The following PCDHA13 variants were observed in gnomAD, a reference collection of about 807,000 sequenced individuals.
The protein encoded by PCDHA13 is protocadherin alpha-13.
A neutral mutation model predicts 64.8 loss-of-function variants in PCDHA13; 54 were observed. That is an observed-to-expected ratio of 0.83 (90% confidence interval 0.67 to 1.04). PCDHA13 has a LOEUF of 1.04. Ranked by LOEUF, PCDHA13 falls within the 50% of genes least tolerant of loss-of-function variation. The pLI, the probability that PCDHA13 is intolerant of heterozygous loss-of-function variation, is 0.00. For missense variants in PCDHA13, 1,248 were observed against 1,254.3 expected (o/e 0.99, Z 0.08); for synonymous variants, 587 against 564.4 (o/e 1.04, Z -0.57).
intron 1 of PCDHA13, chr5:140,969,364 T>C: frequency 6.2e-7 from 1 of 1,610,368 alleles, no homozygotes; most frequent in Non-Finnish European, 8.5e-7. Context: ...TTCTACAAAC[T>C]CATGCATTTG....
intron 1 of PCDHA13, chr5:140,927,125 G>C (rs782734791): frequency 6.2e-7 from 1 of 1,614,076 alleles, no homozygotes; most frequent in Admixed American, 1.7e-5. Flanking sequence ...TTGGTGGTCA[G>C]AGAGCCGGCG....
At chr5:140,898,112 G>A (rs1308883558) in intron 1 of PCDHA13, among the ~76,000 whole-genome samples, 1 of 152,046 alleles carries the variant, frequency 6.6e-6, no homozygotes, top group African/African-American at 2.4e-5. Flanking sequence ...TGAGTAGGTT[G>A]CGAAAATTTT....
At chr5:140,937,770 G>C (rs1353635012) in intron 1 of PCDHA13, among the ~76,000 whole-genome samples, 3 of 151,876 alleles carry the variant, frequency 2.0e-5, no homozygotes, top group Non-Finnish European at 4.4e-5. Flanking sequence ...AAATTAGTCG[G>C]GCGTGGTGGC....
rs1562808706 is a variant in PCDHA13, at chr5:140,884,622, GAAC to G, written c.2356_2358del (p.Thr786del). The G allele has an allele frequency of 4.3e-6, 7 of 1,613,830 alleles. No individual in the cohort carries two copies. Among genetic ancestry groups the G allele is most frequent in the Non-Finnish European group, 5.9e-6 (7 of 1,179,900 alleles). On this transcript the variant is annotated inframe_deletion, in exon 1 of 4. Coordinates refer to ENST00000289272, the MANE Select transcript of PCDHA13 (RefSeq NM_018904.3). ...CCTCCTTGTCTGGGTTCTGCAGAGGGAACAGGCCAGAGGGAGGAGGACTCAGAA... is the reference window on the plus strand; with the variant it reads ...CCTCCTTGTCTGGGTTCTGCAGAGGGAGGCCAGAGGGAGGAGGACTCAGAA...
intron 1 of PCDHA13, among the ~76,000 whole-genome samples, chr5:140,901,967 T>C (rs2069024315): frequency 6.6e-6 from 1 of 152,134 alleles, no homozygotes; most frequent in East Asian, 1.9e-4. Flanking sequence ...CTATCGTAAA[T>C]GGGATTACTT....
chr5:140,998,495 C>T (rs782386986), intron 3 of PCDHA13, among the ~76,000 whole-genome samples: 17 of 152,170 alleles, frequency 1.1e-4, no homozygotes, highest in Non-Finnish European at 1.9e-4. Context: ...TCTTTGAGAA[C>T]AGGGTACTTG....
chr5:140,946,277 A>G (rs1055326524), intron 1 of PCDHA13, among the ~76,000 whole-genome samples: 5 of 152,186 alleles, frequency 3.3e-5, no homozygotes, highest in Admixed American at 1.3e-4. Context: ...TAAAACCCCA[A>G]TGAGATATCA....
chr5:141,010,499 T>C lies in PCDHA13; in HGVS notation c.*562T>C. ...GTGTAAACTTAAAGGGACCAGACTTTCTAAATCTTACAACTCAAGAGGTGG... is the reference window on the plus strand; with the variant it reads ...GTGTAAACTTAAAGGGACCAGACTTCCTAAATCTTACAACTCAAGAGGTGG... On this transcript the variant is annotated 3_prime_UTR_variant, in exon 4 of 4. Coordinates refer to ENST00000289272, the MANE Select transcript of PCDHA13 (RefSeq NM_018904.3). 1.7e-6 allele frequency: 1 copy of C among 586,170 alleles called. No individual in the cohort carries two copies. Among genetic ancestry groups the C allele is most frequent in the Non-Finnish European group, 2.7e-6 (1 of 372,458 alleles). 36.3% of individuals were successfully genotyped at this position (586,170 alleles called of 1,614,324 possible).
intron 1 of PCDHA13, among the ~76,000 whole-genome samples, chr5:140,975,701 T>A (rs2153808072): frequency 6.6e-6 from 1 of 152,358 alleles, no homozygotes; most frequent in East Asian, 1.9e-4. Flanking sequence ...AAACTTATTT[T>A]ACTTTAAATC....
intron 3 of PCDHA13, among the ~76,000 whole-genome samples, chr5:141,008,162 G>A (rs1280112352): frequency 6.6e-6 from 1 of 152,128 alleles, no homozygotes; most frequent in East Asian, 1.9e-4. Flanking sequence ...ATAAGATGAG[G>A]ACTAAAATGT....
At chr5:140,885,917 T>G (rs2060772831) in intron 1 of PCDHA13, among the ~76,000 whole-genome samples, 1 of 152,212 alleles carries the variant, frequency 6.6e-6, no homozygotes, top group Non-Finnish European at 1.5e-5. Flanking sequence ...TTATAGATAT[T>G]AACTGTTTAT....
At chr5:140,941,743 C>G (rs2093156279) in intron 1 of PCDHA13, among the ~76,000 whole-genome samples, 1 of 152,172 alleles carries the variant, frequency 6.6e-6, no homozygotes, top group Admixed American at 6.5e-5. Context: ...ATTATCTTAT[C>G]AGATTTTCAG....
intron 1 of PCDHA13, among the ~76,000 whole-genome samples, chr5:140,921,032 T>A (rs6887800): frequency 0.023 from 3,565 of 152,036 alleles, 50 homozygotes; most frequent in Middle Eastern, 0.034. Context: ...TAGACTGGGG[T>A]GCAGTGGGGC....
At chr5:140,952,009 G>A (rs780606946) in intron 1 of PCDHA13, among the ~76,000 whole-genome samples, 1 of 152,102 alleles carries the variant, frequency 6.6e-6, no homozygotes, top group African/African-American at 2.4e-5. Flanking sequence ...AGAATTATAG[G>A]CCCCATGCAA....
chr5:140,930,358 T>A (rs1253370170), intron 1 of PCDHA13: 1 of 152,216 alleles, frequency 6.6e-6, no homozygotes, highest in African/African-American at 2.4e-5. Context: ...AATATTTCAA[T>A]TTATCTGTTA....
At chr5:140,951,420 T>G (rs1212893926) in intron 1 of PCDHA13, among the ~76,000 whole-genome samples, 3 of 151,992 alleles carry the variant, frequency 2.0e-5, no homozygotes, top group African/African-American at 7.2e-5. Flanking sequence ...TGGCTCACAG[T>G]TCCACAGGCT....
intron 1 of PCDHA13, among the ~76,000 whole-genome samples, chr5:140,977,031 G>A (rs1554238180): frequency 6.6e-6 from 1 of 152,192 alleles, no homozygotes; most frequent in Admixed American, 6.5e-5. Context: ...ATGAATCTAA[G>A]AAGGATGTTG....
intron 1 of PCDHA13, among the ~76,000 whole-genome samples, chr5:140,888,380 A>G (rs1348796416): frequency 6.6e-6 from 1 of 152,192 alleles, no homozygotes; most frequent in East Asian, 1.9e-4. Context: ...GAGCTCTGAG[A>G]TGCTGCTAAA....
At chr5:140,897,900 A>G (rs1173970358) in intron 1 of PCDHA13, among the ~76,000 whole-genome samples, 5 of 152,140 alleles carry the variant, frequency 3.3e-5, no homozygotes, top group Non-Finnish European at 5.9e-5. Context: ...GTGAGATGGT[A>G]TCTCATTGTG....
Sources: allele counts gnomAD v4.1 joint callset (sites outside exome capture counted in the v4.1 genomes callset), GRCh38; gene constraint gnomAD v4.1.1; transcripts MANE v1.5; gene names NCBI Gene and HGNC (gene_info 2026-07-23, HGNC 2026-07-21).